Variants in PTPN5 observed in about 807,000 individuals in gnomAD.
PTPN5 encodes the protein protein tyrosine phosphatase non-receptor type 5, also known as tyrosine-protein phosphatase non-receptor type 5.
PTPN5 carries 29 observed loss-of-function variants against 73.9 expected under a neutral mutation model. The ratio of observed to expected loss-of-function variants is 0.39; its 90% CI spans 0.29 to 0.54. The LOEUF (loss-of-function observed/expected upper bound fraction) is 0.54, where lower values mean the gene tolerates loss of function less well. Ranked by LOEUF, PTPN5 falls within the 20% of genes least tolerant of loss-of-function variation. The probability of loss-of-function intolerance (pLI) is 0.65; values close to 1 mark genes in which losing one functional copy is unlikely to be tolerated. For synonymous variants in PTPN5, 267 were observed against 304.7 expected (o/e 0.88, Z 1.29); for missense variants, 652 against 751.4 (o/e 0.87, Z 1.55).
At chr11:18,757,540 G>A (rs908982582) in intron 3 of PTPN5, among the ~76,000 whole-genome samples, 2 of 152,188 alleles carry the variant, frequency 1.3e-5, no homozygotes, top group Non-Finnish European at 2.9e-5. Flanking sequence ...CTGATTCCTG[G>A]ACCTGGTGGC....
At chr11:18,791,085 G>A (rs940463350) in intron 1 of PTPN5, among the ~76,000 whole-genome samples, 1 of 152,220 alleles carries the variant, frequency 6.6e-6, no homozygotes, top group Non-Finnish European at 1.5e-5. Flanking sequence ...TAAAGGGTCG[G>A]TGGAGGCGAA....
intron 3 of PTPN5, among the ~76,000 whole-genome samples, chr11:18,757,740 A>G (rs994460102): frequency 6.6e-6 from 1 of 152,204 alleles, no homozygotes; most frequent in Non-Finnish European, 1.5e-5. Flanking sequence ...GGCTTTCCCT[A>G]GACCCCATAT....
At chr11:18,746,522 G>C (rs900148646) in intron 3 of PTPN5, among the ~76,000 whole-genome samples, 2 of 152,030 alleles carry the variant, frequency 1.3e-5, no homozygotes, top group African/African-American at 4.8e-5. Flanking sequence ...TACTACAGAC[G>C]AAACACCTAG....
intron 1 of PTPN5, among the ~76,000 whole-genome samples, chr11:18,786,608 T>G (rs1851684312): frequency 6.6e-6 from 1 of 152,196 alleles, no homozygotes; most frequent in Non-Finnish European, 1.5e-5. Flanking sequence ...TGTTTTTCTT[T>G]TTTCCCCTTG....
chr11:18,739,208 C>T (rs1035922272), intron 8 of PTPN5, among the ~76,000 whole-genome samples: 5 of 152,136 alleles, frequency 3.3e-5, no homozygotes, highest in East Asian at 1.9e-4. Context: ...AAATACAACA[C>T]GTGCAAAACT....
chr11:18,743,247 T>C (rs1849455334), intron 5 of PTPN5, 75 bp downstream of exon 5: 1 of 1,438,932 alleles, frequency 6.9e-7, no homozygotes, highest in Non-Finnish European at 9.8e-7. Flanking sequence ...AAGCCCAATC[T>C]GGAGGTTGGG....
intron 1 of PTPN5, among the ~76,000 whole-genome samples, chr11:18,778,945 T>G (rs1851294835): frequency 6.6e-6 from 1 of 152,182 alleles, no homozygotes; most frequent in African/African-American, 2.4e-5. Context: ...CATGCTGCCC[T>G]GGGCCTGGGC....
chr11:18,749,448 A>G (rs1485753095), intron 3 of PTPN5: 1 of 502,716 alleles, frequency 2.0e-6, no homozygotes, highest in Admixed American at 2.0e-5. Context: ...GGGTCACTGC[A>G]GCAAGGCAGG....
At chr11:18,772,200 T>C (rs1230861238) in intron 1 of PTPN5, 129 bp from the exon 2 acceptor site, 7 of 527,128 alleles carry the variant, frequency 1.3e-5, no homozygotes, top group Non-Finnish European at 2.3e-5. Flanking sequence ...CCTGGTGCCC[T>C]GCTTGCCTCT....
intron 3 of PTPN5, chr11:18,749,567 G>C (rs1849792853): frequency 5.8e-6 from 3 of 513,778 alleles, no homozygotes; most frequent in East Asian, 5.5e-5. Context: ...AGCTGATGAA[G>C]CCTCAAAGTA....
chr11:18,758,307 C>T (rs1850241352), intron 3 of PTPN5, among the ~76,000 whole-genome samples: 1 of 152,182 alleles, frequency 6.6e-6, no homozygotes, highest in Admixed American at 6.5e-5. Context: ...AGATCTGAAG[C>T]TTCTTTTTTG....
At chr11:18,786,041 G>C (rs1269472349) in intron 1 of PTPN5, among the ~76,000 whole-genome samples, 2 of 152,172 alleles carry the variant, frequency 1.3e-5, no homozygotes, top group Non-Finnish European at 2.9e-5. Context: ...AAGGAGGGTG[G>C]CTTCTGTTCC....
chr11:18,750,773 G>A (rs1482712441), intron 3 of PTPN5, among the ~76,000 whole-genome samples: 1 of 152,082 alleles, frequency 6.6e-6, no homozygotes, highest in Non-Finnish European at 1.5e-5. Flanking sequence ...TGACATGATT[G>A]CCCATGTCTT....
In PTPN5 at chr11:18,787,776, A is replaced by T. The variant is rs375742924; in HGVS notation, c.-114+3749T>A. Among the ~76,000 whole-genome samples, 4 of 152,162 alleles carry T rather than the reference A, an allele frequency of 2.6e-5. No individual in the cohort carries two copies. The East Asian group carries it at 7.7e-4, about 29-fold the overall frequency. On this transcript the variant is annotated intron_variant, in intron 1 of 14. Coordinates refer to ENST00000358540, the MANE Select transcript of PTPN5 (RefSeq NM_006906.2). ...ATTTTTCTCCAAAGCACTGCTCACC[A>T]CCTGAACAATTTTATCTTCTGTCTC...
intron 3 of PTPN5, among the ~76,000 whole-genome samples, chr11:18,759,611 T>C (rs946618600): frequency 6.6e-6 from 1 of 152,238 alleles, no homozygotes; most frequent in African/African-American, 2.4e-5. Flanking sequence ...TGGTGTTTCG[T>C]TTATACTTTA....
At chr11:18,760,997 T>A (rs181088877) in intron 3 of PTPN5, among the ~76,000 whole-genome samples, 38 of 152,274 alleles carry the variant, frequency 2.5e-4, no homozygotes, top group Non-Finnish European at 7.4e-5. Flanking sequence ...CATCTTCAGG[T>A]TTGAGGGGTG....
chr11:18,759,526 G>C (rs1323699462), intron 3 of PTPN5, among the ~76,000 whole-genome samples: 3 of 152,132 alleles, frequency 2.0e-5, no homozygotes, highest in African/African-American at 7.2e-5. Context: ...TGGGCACCTG[G>C]GATGGTACTT....
rs1848983387 is a variant in PTPN5, at chr11:18,733,466, C to G, written c.1080+90G>C. ...GGCTCTTCACAGGAGCTGGCAGGAG[C>G]CAGACTGGTGTAGGGACAAGGCTGG... On this transcript the variant is annotated intron_variant, in intron 10 of 14. Coordinates refer to ENST00000358540, the MANE Select transcript of PTPN5 (RefSeq NM_006906.2). This position sits in a 1 kb window ranked among gnomAD's most constrained non-coding sequence, Gnocchi z 4.3. 6.2e-7 allele frequency: 1 copy of G among 1,610,854 alleles called. No individual in the cohort carries two copies. Among genetic ancestry groups the G allele is most frequent in the African/African-American group, 1.3e-5 (1 of 75,030 alleles).
chr11:18,774,898 C>T (rs1158793214), intron 1 of PTPN5, among the ~76,000 whole-genome samples: 6 of 152,156 alleles, frequency 3.9e-5, no homozygotes, highest in Non-Finnish European at 2.9e-5. Context: ...AGAAAGGAAG[C>T]AGGAAAAAGG....
Sources: allele counts gnomAD v4.1 joint callset (sites outside exome capture counted in the v4.1 genomes callset), GRCh38; gene constraint gnomAD v4.1.1; non-coding constraint Gnocchi (gnomAD v3.1); transcripts MANE v1.5; gene names NCBI Gene and HGNC (gene_info 2026-07-23, HGNC 2026-07-21).